KAT6B: variants seen among roughly 807,000 people sequenced by gnomAD.
The protein encoded by KAT6B is histone acetyltransferase KAT6B.
In KAT6B, 10 loss-of-function variants were observed where a neutral mutation model predicts 187.5. That is an observed-to-expected ratio of 0.05 (90% CI 0.03 to 0.09). KAT6B has a LOEUF of 0.09. Ranked by LOEUF, KAT6B falls within the 10% of genes least tolerant of loss-of-function variation. KAT6B has a pLI of 1.00. For missense variants in KAT6B, 1,952 were observed against 2,558.9 expected, an observed-to-expected ratio of 0.76 and a Z score of 5.12; for synonymous variants, 861 against 926.8, an observed-to-expected ratio of 0.93 and a Z score of 1.29.
At chr10:74,889,042 T>C (rs931643281) in intron 3 of KAT6B, among the ~76,000 whole-genome samples, 14 of 152,200 alleles carry the variant, frequency 9.2e-5, no homozygotes, top group Non-Finnish European at 1.9e-4. Context: ...ATTTAAACTC[T>C]TGGTGAAGCA....
intron 16 of KAT6B, 83 bp downstream of exon 16, chr10:75,022,314 G>A: frequency 6.8e-7 from 1 of 1,473,872 alleles, no homozygotes. Context: ...ATTAGTATTT[G>A]TTTCACTCTC....
At chr10:74,925,580 CAT>C (rs1233691166) in intron 3 of KAT6B, among the ~76,000 whole-genome samples, 2 of 152,048 alleles carry the variant, frequency 1.3e-5, no homozygotes, top group African/African-American at 4.8e-5. Context: ...CACAGAAAAA[CAT>C]AGGTTCTGTT....
intron 7 of KAT6B, among the ~76,000 whole-genome samples, chr10:74,973,219 G>A (rs546416278): frequency 1.3e-5 from 2 of 152,230 alleles, no homozygotes; most frequent in African/African-American, 2.4e-5. Flanking sequence ...TAATATATTC[G>A]CAGTGGCCTG....
At chr10:74,874,266 A>G (rs1844228706) in intron 3 of KAT6B, among the ~76,000 whole-genome samples, 1 of 152,222 alleles carries the variant, frequency 6.6e-6, no homozygotes. Flanking sequence ...AAAGCAAAAG[A>G]CAAATTCACT....
intron 3 of KAT6B, among the ~76,000 whole-genome samples, chr10:74,847,839 G>T (rs1378028806): frequency 1.3e-5 from 2 of 151,740 alleles, no homozygotes; most frequent in Non-Finnish European, 2.9e-5. Context: ...AACTTGGGTG[G>T]GTATCCCACA....
chr10:74,952,400 C>T (rs1724749400), intron 3 of KAT6B, among the ~76,000 whole-genome samples: 1 of 151,568 alleles, frequency 6.6e-6, no homozygotes, highest in African/African-American at 2.4e-5. Context: ...CAGTGGAGTA[C>T]AGTTTCAGAG....
intron 13 of KAT6B, among the ~76,000 whole-genome samples, chr10:75,010,031 A>G (rs1222884587): frequency 6.6e-6 from 1 of 152,192 alleles, no homozygotes; most frequent in African/African-American, 2.4e-5. Flanking sequence ...CCTACATGAC[A>G]CCAAGTCCAT....
intron 3 of KAT6B, among the ~76,000 whole-genome samples, chr10:74,913,185 A>G (rs998046464): frequency 6.6e-6 from 1 of 152,186 alleles, no homozygotes; most frequent in African/African-American, 2.4e-5. Context: ...TAAATCAGAA[A>G]TTAAGCATTC....
In KAT6B at chr10:74,958,672, T is replaced by C. The variant is rs1271270186; in HGVS notation, c.622-1298T>C. ...AAAATGTATGTAGATTTATACATTG[T>C]TAAAAGCAATTTTCATACGAGAGTT... On this transcript the variant is annotated intron_variant, in intron 3 of 17. Transcript: ENST00000287239. Among the ~76,000 whole-genome samples, 4 of 152,170 alleles carry C rather than the reference T, an allele frequency of 2.6e-5. No individual in the cohort carries two copies. In the East Asian group the frequency reaches 7.7e-4, roughly 29 times the overall value.
Position 75,028,901 on chromosome 10 carries a change from GGAAGAGGAAGAAGAGGAA to G in KAT6B, c.4088_4105del (p.Glu1363_Glu1368del). On this transcript the variant is annotated inframe_deletion, in exon 18 of 18. Coordinates refer to ENST00000287239, the MANE Select transcript of KAT6B (RefSeq NM_012330.4). ...AGGAAGAGGAAGAGGAGGAGGAGGA[GGAAGAGGAAGAAGAGGAA>G]GAAGAGGAAGGGGAAGAAGAAGAAG... 2 of 1,609,462 alleles carry G rather than the reference GGAAGAGGAAGAAGAGGAA, an allele frequency of 1.2e-6. No individual in the cohort carries two copies. Among genetic ancestry groups the G allele is most frequent in the Non-Finnish European group, 1.7e-6 (2 of 1,176,992 alleles).
rs749834266 is a variant in KAT6B, at chr10:75,030,517, G to A, written c.5693G>A (p.Arg1898Gln). The A allele has an allele frequency of 1.4e-5, 23 of 1,608,980 alleles. No individual in the cohort carries two copies. The highest frequency in any genetic ancestry group is 2.7e-5 in the African/African-American group (2 of 74,688). Residue 1898 changes from arginine (R) to glutamine (Q), a missense_variant, in exon 18 of 18, where the codon CGG becomes CAG. Physicochemically the swap from Arg to Gln is conservative, Grantham distance 43. This residue lies in a region of KAT6B where 358 missense variants were observed against 436.3 expected (regional missense o/e 0.82). Transcript: ENST00000287239. The surrounding 1 kb of genome is among the most constrained non-coding windows in gnomAD (Gnocchi z 4.8). Reference protein sequence around the residue: ...PMNLPPPLLQRNMAASNIGIS... With the variant: ...PMNLPPPLLQQNMAASNIGIS... Reference sequence around the variant, plus strand: ...AATCTGCCGCCGCCTCTTTTGCAACGGAACATGGCTGCATCAAATATTGGC... The same window carrying A: ...AATCTGCCGCCGCCTCTTTTGCAACAGAACATGGCTGCATCAAATATTGGC...
chr10:74,899,273 A>ATTG (rs1003995201), intron 3 of KAT6B, among the ~76,000 whole-genome samples: 1 of 147,676 alleles, frequency 6.8e-6, no homozygotes, highest in Admixed American at 6.8e-5. Context: ...TATTATTATT[A>ATTG]TTATTATTAT....
intron 3 of KAT6B, among the ~76,000 whole-genome samples, chr10:74,946,994 T>C (rs1461876517): frequency 6.6e-6 from 1 of 152,084 alleles, no homozygotes; most frequent in Non-Finnish European, 1.5e-5. Context: ...AAAAAACTGT[T>C]TGTTTGTTAT....
chr10:75,015,427 T>C (rs1381057354), intron 13 of KAT6B, among the ~76,000 whole-genome samples: 1 of 152,212 alleles, frequency 6.6e-6, no homozygotes, highest in Admixed American at 6.5e-5. Flanking sequence ...TCTGCACTAA[T>C]TGCAAAATCA....
intron 13 of KAT6B, among the ~76,000 whole-genome samples, chr10:75,005,725 A>G (rs999123321): frequency 6.6e-6 from 1 of 152,180 alleles, no homozygotes; most frequent in East Asian, 1.9e-4. Context: ...TGTGGTTAGC[A>G]TGTTTGTACT....
chr10:74,832,906 C>G (rs920348560), intron 1 of KAT6B, among the ~76,000 whole-genome samples: 1 of 151,710 alleles, frequency 6.6e-6, no homozygotes, highest in Admixed American at 6.6e-5. Flanking sequence ...AGCTGGATCA[C>G]AAGGTCAGGA....
At chr10:75,017,008 C>T (rs576023800) in intron 13 of KAT6B, among the ~76,000 whole-genome samples, 3 of 151,986 alleles carry the variant, frequency 2.0e-5, no homozygotes, top group South Asian at 4.2e-4. Context: ...GGATTACAGG[C>T]GCACGCCACC....
In KAT6B at chr10:75,029,703, G is replaced by A. The variant is rs199792793; in HGVS notation, c.4879G>A (p.Ala1627Thr). The stretch of plus-strand genomic sequence containing the variant: ...TGTCCCTGCTCTGGAAAACAGCTAC[G>A]CCCAAATCAGCCCAGATCAAAGTGC... ...PSVPALENSY[A>T]QISPDQSAIS... Residue 1627 changes from alanine to threonine, a missense_variant, in exon 18 of 18, where the codon GCC becomes ACC. This residue lies in a region of KAT6B where 87 missense variants were observed against 167.5 expected (regional missense o/e 0.52). Transcript: ENST00000287239. The surrounding 1 kb of genome is among the most constrained non-coding windows in gnomAD (Gnocchi z 6.2). 24 of 1,614,030 alleles carry A rather than the reference G, an allele frequency of 1.5e-5. No individual in the cohort carries two copies. The highest frequency in any genetic ancestry group is 1.2e-4 in the Admixed American group (7 of 60,024).
At position 74,975,500 on chromosome 10, in the gene KAT6B, A is replaced by G. The variant is rs1304443812; in HGVS notation, c.1163A>G (p.His388Arg). The change falls in exon 8 of 18, where the codon CAT becomes CGT. Residue 388 changes from histidine (H) to arginine (R), a missense_variant. By Grantham distance (29) the His-to-Arg change is conservative. Transcript: ENST00000287239. ...GTCTGTACCACACCTTCATCTGGTC[A>G]TGCTGCATCTGGGAAGGACTCAAGC... ...TKVCTTPSSG[H>R]AASGKDSSSR... The G allele has an allele frequency of 1.2e-6, 2 of 1,614,028 alleles. No homozygotes were observed. The highest frequency in any genetic ancestry group is 2.7e-5 in the African/African-American group (2 of 74,908).
Sources: allele counts gnomAD v4.1 joint callset (sites outside exome capture counted in the v4.1 genomes callset), GRCh38; gene constraint gnomAD v4.1.1; regional missense constraint gnomAD v4.1.1; non-coding constraint Gnocchi (gnomAD v3.1); transcripts MANE v1.5; gene names NCBI Gene and HGNC (gene_info 2026-07-23, HGNC 2026-07-21).